SCAPER: variants seen among roughly 807,000 people sequenced by gnomAD.
The protein encoded by SCAPER is S phase cyclin A-associated protein in the endoplasmic reticulum.
In SCAPER, 98 loss-of-function variants were observed where a neutral mutation model predicts 182.2. That is an observed-to-expected ratio of 0.54 (90% CI 0.46 to 0.64). The LOEUF (loss-of-function observed/expected upper bound fraction) is 0.64, where lower values mean the gene tolerates loss of function less well. SCAPER is among the 30% of genes least tolerant of loss of function. The probability of loss-of-function intolerance (pLI) is 0.00; values close to 1 mark genes in which losing one functional copy is unlikely to be tolerated. For missense variants in SCAPER, 1,432 were observed against 1,690.0 expected (o/e 0.85, Z 2.68); for synonymous variants, 605 against 564.6 (o/e 1.07, Z -1.01).
chr15:76,800,952 C>T (rs915979654), intron 6 of SCAPER, among the ~76,000 whole-genome samples: 1 of 152,208 alleles, frequency 6.6e-6, no homozygotes, highest in Admixed American at 6.5e-5. Context: ...TTACAGGATG[C>T]ATAACATGCC....
At chr15:76,652,343 TACACAC>T (rs1230104329) in intron 21 of SCAPER, among the ~76,000 whole-genome samples, 23 of 12,220 alleles carry the variant, frequency 1.9e-3, no homozygotes, top group African/African-American at 7.7e-3. Context: ...TACACATATA[TACACAC>T]ACACACACAC....
intron 2 of SCAPER, among the ~76,000 whole-genome samples, chr15:76,871,402 C>A (rs1194195464): frequency 7.5e-6 from 1 of 133,798 alleles, no homozygotes; most frequent in Non-Finnish European, 1.6e-5. Context: ...GAACGAGACT[C>A]CATCTCAAAA....
At chr15:76,476,422 TTTTC>T (rs943683829) in intron 24 of SCAPER, among the ~76,000 whole-genome samples, 11 of 151,772 alleles carry the variant, frequency 7.2e-5, no homozygotes, top group African/African-American at 2.2e-4. Flanking sequence ...CTTTCCTTTC[TTTTC>T]TTTCTTTCTT....
At chr15:76,491,146 G>A (rs934329974) in intron 24 of SCAPER, among the ~76,000 whole-genome samples, 5 of 152,100 alleles carry the variant, frequency 3.3e-5, no homozygotes. Flanking sequence ...CAGATTTTTG[G>A]ACTCTCTGTT....
At chr15:76,647,382 A>AT (rs537237609) in intron 21 of SCAPER, among the ~76,000 whole-genome samples, 6 of 152,128 alleles carry the variant, frequency 3.9e-5, no homozygotes, top group East Asian at 3.9e-4. Flanking sequence ...TAAATATATG[A>AT]TTTTTTTTCA....
chr15:76,857,929 G>T, intron 3 of SCAPER, 50 bp from the exon 4 acceptor site: 3 of 1,270,772 alleles, frequency 2.4e-6, no homozygotes, highest in Admixed American at 2.2e-5. Flanking sequence ...ATGATAGATA[G>T]TATAAAATTG....
chr15:76,591,396 A>G (rs2049096715), intron 22 of SCAPER, among the ~76,000 whole-genome samples: 3 of 152,228 alleles, frequency 2.0e-5, no homozygotes, highest in Non-Finnish European at 1.5e-5. Context: ...AAAACAATGG[A>G]AAGGGGAAAA....
intron 29 of SCAPER, among the ~76,000 whole-genome samples, chr15:76,368,514 G>A (rs1436897482): frequency 2.6e-5 from 4 of 152,246 alleles, no homozygotes; most frequent in Non-Finnish European, 5.9e-5. Context: ...AGCTCAGGCA[G>A]AACCAAGTTT....
intron 27 of SCAPER, among the ~76,000 whole-genome samples, chr15:76,390,925 T>G (rs2043650660): frequency 6.6e-6 from 1 of 152,188 alleles, no homozygotes; most frequent in Non-Finnish European, 1.5e-5. Flanking sequence ...CTTCCACTCT[T>G]GCTTCTCTAA....
At chr15:76,367,286 G>C (rs1193561872) in intron 29 of SCAPER, among the ~76,000 whole-genome samples, 2 of 152,168 alleles carry the variant, frequency 1.3e-5, no homozygotes, top group African/African-American at 4.8e-5. Context: ...TGTAACTGAT[G>C]AGGGTCTTAT....
intron 26 of SCAPER, among the ~76,000 whole-genome samples, chr15:76,408,459 G>A (rs577066190): frequency 6.6e-6 from 1 of 152,084 alleles, no homozygotes; most frequent in South Asian, 2.1e-4. Flanking sequence ...ACCATGCTGT[G>A]CCAAACATTT....
At chr15:76,828,233 T>C (rs1400715822) in intron 5 of SCAPER, among the ~76,000 whole-genome samples, 2 of 150,382 alleles carry the variant, frequency 1.3e-5, no homozygotes, top group Admixed American at 6.6e-5. Flanking sequence ...TTATATAATA[T>C]ATAATTATTT....
chr15:76,686,499 G>T (rs1293591699), intron 20 of SCAPER, among the ~76,000 whole-genome samples: 1 of 151,970 alleles, frequency 6.6e-6, no homozygotes, highest in African/African-American at 2.4e-5. Flanking sequence ...AACAGTATAG[G>T]ATCATCTCTA....
intron 15 of SCAPER, among the ~76,000 whole-genome samples, chr15:76,742,147 A>G (rs1044213939): frequency 6.6e-6 from 1 of 152,070 alleles, no homozygotes; most frequent in Non-Finnish European, 1.5e-5. Flanking sequence ...AAAGTCTTTT[A>G]AACTCAGTGA....
chr15:76,850,448 G>A (rs1420826398), intron 4 of SCAPER, among the ~76,000 whole-genome samples: 1 of 152,196 alleles, frequency 6.6e-6, no homozygotes, highest in African/African-American at 2.4e-5. Flanking sequence ...AAGGCACACA[G>A]AGAAAAGAAA....
intron 20 of SCAPER, among the ~76,000 whole-genome samples, chr15:76,686,554 G>A (rs1054073205): frequency 2.6e-5 from 4 of 151,902 alleles, no homozygotes; most frequent in Non-Finnish European, 4.4e-5. Flanking sequence ...TCCACCCTTA[G>A]GTATATACCC....
chr15:76,641,478 G>A (rs952424621), intron 21 of SCAPER, among the ~76,000 whole-genome samples: 9 of 151,800 alleles, frequency 5.9e-5, no homozygotes, highest in African/African-American at 2.2e-4. Context: ...TGACCCCCTG[G>A]ACCCAGCTTT....
chr15:76,508,020 C>T (rs538402740), intron 23 of SCAPER, among the ~76,000 whole-genome samples: 1 of 152,210 alleles, frequency 6.6e-6, no homozygotes, highest in East Asian at 1.9e-4. Context: ...GTTACAACTC[C>T]AAAATTAAAA....
At chr15:76,448,159 G>A (rs2048129962) in intron 25 of SCAPER, among the ~76,000 whole-genome samples, 1 of 152,096 alleles carries the variant, frequency 6.6e-6, no homozygotes, top group African/African-American at 2.4e-5. Flanking sequence ...TGAGCATAAG[G>A]GGTAAGACAA....
Sources: gnomAD v4.1 joint callset for allele counts (sites outside exome capture counted in the v4.1 genomes callset) on GRCh38, gnomAD v4.1.1 for gene constraint, MANE v1.5 for transcripts, NCBI Gene and HGNC (gene_info 2026-07-23, HGNC 2026-07-21) for gene names.